Variants in DCAF5 observed in about 807,000 individuals in gnomAD.
The protein encoded by DCAF5 is DDB1 and CUL4 associated factor 5, also known as DDB1- and CUL4-associated factor 5.
DCAF5 carries 9 observed loss-of-function variants against 80.7 expected under a neutral mutation model. The ratio of observed to expected loss-of-function variants is 0.11; its 90% confidence interval spans 0.07 to 0.19. DCAF5 has a LOEUF of 0.19. Ranked by LOEUF, DCAF5 falls within the 10% of genes least tolerant of loss-of-function variation. The probability of loss-of-function intolerance (pLI) is 1.00; values close to 1 mark genes in which losing one functional copy is unlikely to be tolerated. For synonymous variants in DCAF5, 433 were observed against 461.9 expected, an observed-to-expected ratio of 0.94 and a Z score of 0.80; for missense variants, 842 against 1,205.7, an observed-to-expected ratio of 0.70 and a Z score of 4.47.
chr14:69,095,724 A>T (rs1297036719), intron 5 of DCAF5, among the ~76,000 whole-genome samples: 1 of 152,208 alleles, frequency 6.6e-6, no homozygotes, highest in Non-Finnish European at 1.5e-5. Context: ...CAACATAGGG[A>T]ATTGAAAAAG....
At chr14:69,094,691 A>C (rs747272063) in intron 5 of DCAF5, among the ~76,000 whole-genome samples, 1 of 152,200 alleles carries the variant, frequency 6.6e-6, no homozygotes, top group Non-Finnish European at 1.5e-5. Context: ...GGGAAGGCAA[A>C]GCTTGGAAGC....
At chr14:69,068,659 T>C (rs186271090) in intron 7 of DCAF5, among the ~76,000 whole-genome samples, 2 of 149,172 alleles carry the variant, frequency 1.3e-5, no homozygotes, top group African/African-American at 5.0e-5. Flanking sequence ...GATCATGCCA[T>C]TGCACTCCAG....
intron 1 of DCAF5, among the ~76,000 whole-genome samples, chr14:69,150,243 T>TG (rs11451088): frequency 0.015 from 2,319 of 151,608 alleles, 44 homozygotes; most frequent in East Asian, 0.065. Flanking sequence ...AGAGGGAGTA[T>TG]GGGGGGAAGG....
Position 69,083,883 on chromosome 14 carries a change from G to A in DCAF5, c.879+7791C>T. On this transcript the variant is annotated intron_variant, in intron 6 of 8. Transcript: ENST00000341516. ...ACAGTGAGATGCCCAGCCTGCCCCT[G>A]GGACTGACAGGAGCTTTTGAGGATA... 5.2e-6 allele frequency: 4 copies of A among 768,968 alleles called. No homozygotes were observed. In the South Asian group the frequency reaches 5.5e-5, roughly 11 times the overall value. The allele number at this position is 768,968 out of a possible 1,614,324, so 47.6% of individuals were successfully genotyped here. A position where few individuals can be genotyped will look rare whatever the true frequency, so the allele number is the denominator to read the frequency against.
At chr14:69,076,780 A>G (rs1490458664) in intron 6 of DCAF5, among the ~76,000 whole-genome samples, 1 of 152,184 alleles carries the variant, frequency 6.6e-6, no homozygotes, top group Non-Finnish European at 1.5e-5. Flanking sequence ...GGTAAATCTC[A>G]TGTTATGTAT....
intron 1 of DCAF5, among the ~76,000 whole-genome samples, chr14:69,123,708 T>C (rs1458819851): frequency 6.6e-6 from 1 of 152,176 alleles, no homozygotes; most frequent in African/African-American, 2.4e-5. Flanking sequence ...TTCTTTTTTT[T>C]TGAGACGGAG....
intron 5 of DCAF5, among the ~76,000 whole-genome samples, chr14:69,096,684 C>A (rs1161707032): frequency 3.9e-5 from 6 of 152,054 alleles, no homozygotes; most frequent in Non-Finnish European, 8.8e-5. Context: ...GATCTCAAAG[C>A]AAATTAAGAG....
chr14:69,112,024 A>G (rs1334430786), intron 5 of DCAF5, among the ~76,000 whole-genome samples: 1 of 152,232 alleles, frequency 6.6e-6, no homozygotes, highest in Non-Finnish European at 1.5e-5. Context: ...GACTATTGCC[A>G]TATGAGAATA....
intron 5 of DCAF5, among the ~76,000 whole-genome samples, chr14:69,116,134 C>T (rs187950171): frequency 1.6e-4 from 25 of 152,296 alleles, no homozygotes; most frequent in Admixed American, 1.4e-3. Context: ...AAAACTCACC[C>T]TGTCTACAGT....
chr14:69,123,786 C>T (rs2040796938), intron 1 of DCAF5, among the ~76,000 whole-genome samples: 1 of 152,156 alleles, frequency 6.6e-6, no homozygotes, highest in Non-Finnish European at 1.5e-5. Flanking sequence ...GCAACCTCCA[C>T]CTCCCAGGTT....
intron 7 of DCAF5, among the ~76,000 whole-genome samples, chr14:69,071,593 G>A (rs2038695024): frequency 6.7e-6 from 1 of 149,894 alleles, no homozygotes; most frequent in African/African-American, 2.4e-5. Context: ...GAGAGAGAAA[G>A]AGGGAGGGAG....
At chr14:69,069,723 C>T (rs1290398273) in intron 7 of DCAF5, among the ~76,000 whole-genome samples, 1 of 152,106 alleles carries the variant, frequency 6.6e-6, no homozygotes, top group Non-Finnish European at 1.5e-5. Context: ...GATCTTCCCG[C>T]CTCAGCCTCC....
Position 69,118,575 on chromosome 14 carries a change from T to C in DCAF5, c.396-297A>G, listed in dbSNP as rs1019389881. On this transcript the variant is annotated intron_variant, in intron 3 of 8. Transcript: ENST00000341516. This position sits in a 1 kb window ranked among gnomAD's most constrained non-coding sequence, Gnocchi z 4.0. ...ATTTATTACAGAATGCATCTGCTTG[T>C]GTACAGATTTGGGGGTCATACTTGA... Among the ~76,000 whole-genome samples the C allele has an allele frequency of 2.6e-5, 4 of 152,160 alleles. No individual in the cohort carries two copies. The highest frequency in any genetic ancestry group is 9.7e-5 in the African/African-American group (4 of 41,432).
At chr14:69,113,704 C>G (rs1190909679) in intron 5 of DCAF5, among the ~76,000 whole-genome samples, 4 of 152,142 alleles carry the variant, frequency 2.6e-5, no homozygotes, top group Non-Finnish European at 4.4e-5. Flanking sequence ...GTGGTCTCTT[C>G]CCCCAAACCA....
intron 5 of DCAF5, among the ~76,000 whole-genome samples, chr14:69,101,256 C>T (rs2039942543): frequency 6.6e-6 from 1 of 152,202 alleles, no homozygotes; most frequent in Non-Finnish European, 1.5e-5. Context: ...GCATCAGGGC[C>T]AGAAGGATTC....
At chr14:69,120,101 C>T (rs537611272) in intron 2 of DCAF5, among the ~76,000 whole-genome samples, 3 of 152,030 alleles carry the variant, frequency 2.0e-5, no homozygotes, top group African/African-American at 7.2e-5. Context: ...TTCTTTCTTT[C>T]GAGACAGGAT....
intron 5 of DCAF5, among the ~76,000 whole-genome samples, chr14:69,092,812 T>G (rs2039579413): frequency 6.6e-6 from 1 of 152,222 alleles, no homozygotes; most frequent in African/African-American, 2.4e-5. Context: ...GAAAATGACT[T>G]GTTTTCCTTT....
intron 8 of DCAF5, among the ~76,000 whole-genome samples, chr14:69,056,146 CTATTTT>C (rs1182277486): frequency 6.6e-6 from 1 of 152,182 alleles, no homozygotes; most frequent in Non-Finnish European, 1.5e-5. Context: ...TGCAACATTC[CTATTTT>C]TAACTAATGG....
At chr14:69,133,047 T>C (rs569880761) in intron 1 of DCAF5, among the ~76,000 whole-genome samples, 13 of 151,644 alleles carry the variant, frequency 8.6e-5, no homozygotes, top group Non-Finnish European at 1.5e-4. Context: ...ATTATGCTAT[T>C]TGAACTCAAA....
Sources: gnomAD v4.1 joint callset for allele counts (sites outside exome capture counted in the v4.1 genomes callset) on GRCh38, gnomAD v4.1.1 for gene constraint, Gnocchi (gnomAD v3.1) non-coding constraint, MANE v1.5 for transcripts, NCBI Gene and HGNC (gene_info 2026-07-23, HGNC 2026-07-21) for gene names.